TRPM4: variants seen among roughly 807,000 people sequenced by gnomAD.
TRPM4 encodes calcium-activated non-selective cation channel 1.
In TRPM4, 124 loss-of-function variants were observed where a neutral mutation model predicts 135.6. That is an observed-to-expected ratio of 0.91 (90% CI 0.79 to 1.06). The LOEUF is 1.06. Among genes scored for constraint, TRPM4 ranks in the 50% least tolerant of loss-of-function variants. The probability of loss-of-function intolerance (pLI) is 0.00; values close to 1 mark genes in which losing one functional copy is unlikely to be tolerated. For missense variants in TRPM4, 1,658 were observed against 1,671.4 expected, an observed-to-expected ratio of 0.99 and a Z score of 0.14; for synonymous variants, 745 against 705.6, an observed-to-expected ratio of 1.06 and a Z score of -0.88.
intron 12 of TRPM4, among the ~76,000 whole-genome samples, chr19:49,185,769 G>A (rs901717656): frequency 6.6e-6 from 1 of 151,814 alleles, no homozygotes; most frequent in African/African-American, 2.4e-5. Context: ...GGGGGGAGGG[G>A]GGATGGAGTC....
At chr19:49,181,909 T>C (rs1967942426) in intron 10 of TRPM4, among the ~76,000 whole-genome samples, 1 of 151,904 alleles carries the variant, frequency 6.6e-6, no homozygotes, top group African/African-American at 2.4e-5. Flanking sequence ...TCCATCCATC[T>C]CTGTCCATCT....
chr19:49,170,083 C>A (rs964270273), intron 6 of TRPM4, among the ~76,000 whole-genome samples: 3 of 151,982 alleles, frequency 2.0e-5, no homozygotes, highest in African/African-American at 7.2e-5. Context: ...AACCAAAAAC[C>A]AAAAAATCAA....
intron 9 of TRPM4, among the ~76,000 whole-genome samples, chr19:49,175,228 A>G (rs1967639262): frequency 6.6e-6 from 1 of 151,968 alleles, no homozygotes; most frequent in Non-Finnish European, 1.5e-5. Context: ...GGCATGCGCC[A>G]CCACACCTGG....
chr19:49,188,973 G>T lies in TRPM4; in HGVS notation c.1901G>T (p.Ser634Ile). ...VDLFGECYRS[S>I]EVRAARLLLR... is the part of the protein sequence containing the mutation. The stretch of plus-strand genomic sequence containing the variant: ...CTCTTTGGCGAGTGCTATCGCAGCA[G>T]TGAGGTGAGGGCTGCCCGCCTCCTC... Residue 634 changes from serine (S) to isoleucine (I), a missense_variant, in exon 14 of 25, where the codon AGT becomes ATT. Physicochemically the swap from Ser to Ile is moderately radical, Grantham distance 142. Transcript: ENST00000252826. The T allele has an allele frequency of 6.2e-7, 1 of 1,614,152 alleles. No homozygotes were observed. The highest frequency in any genetic ancestry group is 1.1e-5 in the South Asian group (1 of 91,084).
chr19:49,185,344 AC>A (rs1452309396), intron 12 of TRPM4, among the ~76,000 whole-genome samples: 1 of 151,990 alleles, frequency 6.6e-6, no homozygotes, highest in Non-Finnish European at 1.5e-5. Context: ...GACTTCTTGG[AC>A]TCAAGCAATC....
intron 2 of TRPM4, among the ~76,000 whole-genome samples, chr19:49,164,961 T>G (rs1478057021): frequency 6.6e-6 from 1 of 151,804 alleles, no homozygotes; most frequent in Non-Finnish European, 1.5e-5. Context: ...ACAGCTGGTC[T>G]CGAACTCCTG....
rs1354518651 is a variant in TRPM4, at chr19:49,210,193, C to G, written c.3132-16C>G. On this transcript the variant is annotated splice_polypyrimidine_tract_variant and intron_variant, in intron 20 of 24. Transcript: ENST00000252826. The surrounding 1 kb of genome is among the most constrained non-coding windows in gnomAD (Gnocchi z 4.1). Reference sequence around the variant, plus strand: ...GGCCCTGACCTCAAGTGACCTTTGACCTCTGGCCTTTGCAGTTACACATTC... The same window carrying G: ...GGCCCTGACCTCAAGTGACCTTTGAGCTCTGGCCTTTGCAGTTACACATTC... 1.2e-6 allele frequency: 2 copies of G among 1,614,212 alleles called. No individual in the cohort carries two copies. The highest frequency in any genetic ancestry group is 1.7e-6 in the Non-Finnish European group (2 of 1,180,014).
chr19:49,162,565 C>A (rs7359926), intron 2 of TRPM4, among the ~76,000 whole-genome samples: 63,876 of 151,230 alleles, frequency 0.42, 14,905 homozygotes, highest in Non-Finnish European at 0.52. Context: ...AACAAACAAA[C>A]AAAAAAACAA....
chr19:49,166,634 C>G (rs970743443), intron 3 of TRPM4, among the ~76,000 whole-genome samples: 4 of 149,184 alleles, frequency 2.7e-5, no homozygotes, highest in African/African-American at 9.9e-5. Flanking sequence ...CTCTCTGGGT[C>G]TCTGTCCCCG....
At chr19:49,177,178 G>C (rs1315573841) in intron 9 of TRPM4, among the ~76,000 whole-genome samples, 2 of 152,072 alleles carry the variant, frequency 1.3e-5, no homozygotes, top group Non-Finnish European at 2.9e-5. Flanking sequence ...AGCTCTGCAA[G>C]ATGTGGTTTG....
chr19:49,211,595 T>C lies in TRPM4; in HGVS notation c.*97T>C. The C allele has an allele frequency of 6.6e-7, 1 of 1,504,460 alleles. No homozygotes were observed. The highest frequency in any genetic ancestry group is 1.7e-5 in the Admixed American group (1 of 59,856). 93.2% of individuals were successfully genotyped at this position (1,504,460 alleles called of 1,614,324 possible). On this transcript the variant is annotated 3_prime_UTR_variant, in exon 25 of 25. Transcript: ENST00000252826. The surrounding 1 kb of genome is among the most constrained non-coding windows in gnomAD (Gnocchi z 4.8). ...TCGGCCCCCGCACCTGGTGGCCTTG[T>C]CCTTGAGGTGAGCCCCATGTCCATC...
At chr19:49,163,309 C>T (rs1306913810) in intron 2 of TRPM4, among the ~76,000 whole-genome samples, 1 of 151,788 alleles carries the variant, frequency 6.6e-6, no homozygotes, top group Non-Finnish European at 1.5e-5. Flanking sequence ...GATTCTCCTG[C>T]CTCAGCCTCC....
intron 10 of TRPM4, 192 bp from the exon 11 acceptor site, chr19:49,182,386 A>G (rs545022795): frequency 2.0e-5 from 13 of 636,950 alleles, no homozygotes; most frequent in Middle Eastern, 2.6e-4. Flanking sequence ...CCATCCATCC[A>G]TCCATCTGCC....
chr19:49,186,846 C>T (rs1186930792), intron 12 of TRPM4, among the ~76,000 whole-genome samples: 1 of 150,332 alleles, frequency 6.7e-6, no homozygotes, highest in East Asian at 1.9e-4. Context: ...GCACTCCAGC[C>T]TGGGCAACAA....
chr19:49,196,328 G>T (rs1025150836), intron 16 of TRPM4, 112 bp from the exon 17 acceptor site: 3 of 1,015,858 alleles, frequency 3.0e-6, no homozygotes. Context: ...GGCAGACTGA[G>T]TTTCGGGTCA....
intron 10 of TRPM4, among the ~76,000 whole-genome samples, chr19:49,182,111 T>TCCAC (rs1967963794): frequency 1.6e-5 from 2 of 127,450 alleles, no homozygotes; most frequent in East Asian, 2.2e-4. Context: ...CATCCATCCA[T>TCCAC]CCATCCATCC....
At chr19:49,177,942 G>T (rs1967763957) in intron 9 of TRPM4, among the ~76,000 whole-genome samples, 1 of 152,198 alleles carries the variant, frequency 6.6e-6, no homozygotes, top group Non-Finnish European at 1.5e-5. Context: ...AGTGAGGCAG[G>T]TAGGGCCAAA....
chr19:49,172,028 G>A lies in TRPM4; in HGVS notation c.1070G>A (p.Arg357Gln), dbSNP rs144328631. The A allele has an allele frequency of 9.9e-6, 16 of 1,613,838 alleles. No individual in the cohort carries two copies. Among genetic ancestry groups the A allele is most frequent in the Middle Eastern group, 1.6e-4 (1 of 6,070 alleles). The change falls in exon 9 of 25, where the codon CGG becomes CAG. Residue 357 changes from arginine (R) to glutamine (Q), a missense_variant. Physicochemically the swap from Arg to Gln is conservative, Grantham distance 43 (BLOSUM62 1). Coordinates refer to ENST00000252826, the MANE Select transcript of TRPM4 (RefSeq NM_017636.4). The part of the protein sequence containing the change: ...LQAQVERIMT[R>Q]KELLTVYSSE... ...CCACAGGTGGAGAGGATTATGACCC[G>A]GAAGGAGCTCCTGACAGTCTATTCT... is the stretch of plus-strand genomic sequence containing the variant.
In TRPM4 at chr19:49,210,768, G is replaced by A. The variant is rs528838962; in HGVS notation, c.3387G>A (p.Lys1129=). ...RKLLTWESVH[K]ENFLLARARD... ...TGCTAACGTGGGAATCGGTGCATAA[G>A]GAGAACTTTCTGCTGGCACGCGCTA... Residue 1129 remains lysine (K), a synonymous_variant, in exon 22 of 25, where the codon AAG becomes AAA. Coordinates refer to ENST00000252826, the MANE Select transcript of TRPM4 (RefSeq NM_017636.4). This position sits in a 1 kb window ranked among gnomAD's most constrained non-coding sequence, Gnocchi z 4.1. 6.2e-7 allele frequency: 1 copy of A among 1,614,120 alleles called. No individual in the cohort carries two copies. Among genetic ancestry groups the A allele is most frequent in the Non-Finnish European group, 8.5e-7 (1 of 1,180,042 alleles).
Sources: gnomAD v4.1 joint callset for allele counts (sites outside exome capture counted in the v4.1 genomes callset) on GRCh38, gnomAD v4.1.1 for gene constraint, Gnocchi (gnomAD v3.1) non-coding constraint, MANE v1.5 for transcripts, NCBI Gene and HGNC (gene_info 2026-07-23, HGNC 2026-07-21) for gene names.